Variants in BAALC observed in about 807,000 individuals in gnomAD.
BAALC encodes the protein brain and acute leukemia cytoplasmic protein.
Under a neutral mutation model 15.5 loss-of-function variants are expected in BAALC, and 9 were observed. The observed-to-expected ratio is 0.58, with a 90% confidence interval of 0.35 to 1.02. The LOEUF (loss-of-function observed/expected upper bound fraction) is 1.02. Ranked by LOEUF, BAALC falls within the 50% of genes least tolerant of loss-of-function variation. The pLI, the probability that BAALC is intolerant of heterozygous loss-of-function variation, is 0.02. For synonymous variants in BAALC, 80 were observed against 74.6 expected, an observed-to-expected ratio of 1.07 and a Z score of -0.37; for missense variants, 201 against 192.4, an observed-to-expected ratio of 1.04 and a Z score of -0.27.
At chr8:103,191,866 A>G (rs963560476) in intron 1 of BAALC, among the ~76,000 whole-genome samples, 4 of 152,172 alleles carry the variant, frequency 2.6e-5, no homozygotes, top group South Asian at 2.1e-4. Context: ...CAAGCTACCC[A>G]GGGAAAGCTG....
chr8:103,145,112 C>G (rs1810852572), intron 1 of BAALC, among the ~76,000 whole-genome samples: 1 of 152,216 alleles, frequency 6.6e-6, no homozygotes, highest in Non-Finnish European at 1.5e-5. Context: ...TTACAGTTCA[C>G]TAAACTCAAA....
intron 1 of BAALC, among the ~76,000 whole-genome samples, chr8:103,151,142 C>T (rs568138595): frequency 5.9e-5 from 9 of 152,030 alleles, no homozygotes; most frequent in Admixed American, 1.3e-4. Context: ...CTCAGCCTCC[C>T]GAGTAGCTGG....
intron 2 of BAALC, among the ~76,000 whole-genome samples, chr8:103,222,378 A>G (rs1394337933): frequency 6.6e-6 from 1 of 152,168 alleles, no homozygotes; most frequent in Non-Finnish European, 1.5e-5. Flanking sequence ...TTTGGGGTAA[A>G]ACATTTTGAT....
At chr8:103,194,715 G>A (rs996126022) in intron 1 of BAALC, among the ~76,000 whole-genome samples, 2 of 152,204 alleles carry the variant, frequency 1.3e-5, no homozygotes, top group African/African-American at 4.8e-5. Flanking sequence ...GGGGCCAGCA[G>A]GTTCAGTGTT....
intron 1 of BAALC, among the ~76,000 whole-genome samples, chr8:103,200,244 G>A (rs1344318413): frequency 6.6e-6 from 1 of 152,218 alleles, no homozygotes; most frequent in Non-Finnish European, 1.5e-5. Flanking sequence ...CTTATATACT[G>A]TTGGTGGGAA....
At chr8:103,216,102 A>G (rs1240568291) in intron 2 of BAALC, among the ~76,000 whole-genome samples, 4 of 152,242 alleles carry the variant, frequency 2.6e-5, no homozygotes, top group African/African-American at 7.2e-5. Flanking sequence ...CTGAGTTGCA[A>G]TAATTTTCTC....
chr8:103,181,429 G>A (rs542222794), intron 1 of BAALC, among the ~76,000 whole-genome samples: 9 of 151,956 alleles, frequency 5.9e-5, no homozygotes, highest in Non-Finnish European at 1.3e-4. Flanking sequence ...CCACCACCAC[G>A]CCTGGCTAAT....
chr8:103,220,593 G>A (rs925728312), intron 2 of BAALC, among the ~76,000 whole-genome samples: 8 of 152,032 alleles, frequency 5.3e-5, no homozygotes, highest in African/African-American at 1.9e-4. Context: ...TACAATATGA[G>A]GAGGAAGCAA....
intron 2 of BAALC, among the ~76,000 whole-genome samples, chr8:103,218,916 C>T (rs1812619253): frequency 6.6e-6 from 1 of 152,078 alleles, no homozygotes; most frequent in African/African-American, 2.4e-5. Context: ...AGGACCAGCC[C>T]AGGATTTCTC....
At chr8:103,189,416 A>G (rs1440035885) in intron 1 of BAALC, among the ~76,000 whole-genome samples, 1 of 152,150 alleles carries the variant, frequency 6.6e-6, no homozygotes, top group Non-Finnish European at 1.5e-5. Flanking sequence ...AAATACTAAA[A>G]CTCCCTTGAG....
intron 1 of BAALC, among the ~76,000 whole-genome samples, chr8:103,206,153 C>T (rs965608011): frequency 1.3e-5 from 2 of 152,174 alleles, no homozygotes; most frequent in Admixed American, 6.5e-5. Context: ...AGCCTCCATG[C>T]CTCAACCTCC....
At chr8:103,163,645 C>G (rs1811278507) in intron 1 of BAALC, among the ~76,000 whole-genome samples, 1 of 152,172 alleles carries the variant, frequency 6.6e-6, no homozygotes, top group South Asian at 2.1e-4. Context: ...TTGTTCCTTT[C>G]TTTCCAGGCC....
At chr8:103,155,383 C>A (rs371581103) in intron 1 of BAALC, among the ~76,000 whole-genome samples, 5 of 152,314 alleles carry the variant, frequency 3.3e-5, no homozygotes, top group African/African-American at 1.2e-4. Flanking sequence ...CAGTCCAGGG[C>A]AGAGGGAGGA....
intron 2 of BAALC, among the ~76,000 whole-genome samples, chr8:103,227,641 C>A (rs946435916): frequency 6.6e-6 from 1 of 152,166 alleles, no homozygotes; most frequent in Non-Finnish European, 1.5e-5. Context: ...GAGACAAATG[C>A]ATATTTGACT....
At chr8:103,158,685 A>G (rs561966589) in intron 1 of BAALC, among the ~76,000 whole-genome samples, 19 of 150,784 alleles carry the variant, frequency 1.3e-4, no homozygotes, top group African/African-American at 4.6e-4. Flanking sequence ...CAATACATAC[A>G]ATACATACAT....
At chr8:103,175,777 A>T (rs780548633) in intron 1 of BAALC, among the ~76,000 whole-genome samples, 1 of 152,200 alleles carries the variant, frequency 6.6e-6, no homozygotes, top group Non-Finnish European at 1.5e-5. Context: ...GGCTGGGTGG[A>T]GAAGTCCTGC....
At chr8:103,142,939 T>C (rs1810814659) in intron 1 of BAALC, among the ~76,000 whole-genome samples, 2 of 152,216 alleles carry the variant, frequency 1.3e-5, no homozygotes, top group South Asian at 2.1e-4. Flanking sequence ...CCTGAAGGCC[T>C]GCATCCTCCA....
intron 1 of BAALC, among the ~76,000 whole-genome samples, chr8:103,171,228 GGACAGAAA>G (rs750651711): frequency 3.2e-5 from 4 of 123,604 alleles, no homozygotes; most frequent in Non-Finnish European, 6.7e-5. Flanking sequence ...AAGCAAGGAA[GGACAGAAA>G]GAAAGAAAGG....
At chr8:103,223,086 G>A (rs1812716917) in intron 2 of BAALC, among the ~76,000 whole-genome samples, 2 of 152,132 alleles carry the variant, frequency 1.3e-5, no homozygotes, top group South Asian at 4.1e-4. Flanking sequence ...GCTGATGCGG[G>A]TGGACCACAA....
Sources: allele counts gnomAD v4.1 joint callset (sites outside exome capture counted in the v4.1 genomes callset), GRCh38; gene constraint gnomAD v4.1.1; transcripts MANE v1.5; gene names NCBI Gene and HGNC (gene_info 2026-07-23, HGNC 2026-07-21).